The following CSHL1 variants were observed in gnomAD, a reference collection of about 807,000 sequenced individuals.
CSHL1 encodes chorionic somatomammotropin hormone-like 1.
Under a neutral mutation model 24.3 loss-of-function variants are expected in CSHL1, and 25 were observed. The observed-to-expected ratio is 1.03, with a 90% CI of 0.75 to 1.44. The LOEUF (loss-of-function observed/expected upper bound fraction) is 1.44, where lower values mean the gene tolerates loss of function less well. CSHL1 is among the 40% of genes most tolerant of loss of function. The pLI is 0.00. For synonymous variants in CSHL1, 157 were observed against 115.6 expected, an observed-to-expected ratio of 1.36 and a Z score of -2.30; for missense variants, 342 against 279.3, an observed-to-expected ratio of 1.22 and a Z score of -1.60.
At chr17:63,911,030 C>T (rs1906970339) in intron 1 of CSHL1, 106 bp from the exon 2 acceptor site, 18 of 1,610,592 alleles carry the variant, frequency 1.1e-5, no homozygotes, top group Middle Eastern at 2.1e-4. Context: ...CCTCCAGGGA[C>T]CAGGAACATT....
At chr17:63,911,028 G>A (rs1337416489) in intron 1 of CSHL1, 104 bp from the exon 2 acceptor site, 3 of 1,610,290 alleles carry the variant, frequency 1.9e-6, no homozygotes, top group African/African-American at 1.3e-5. Flanking sequence ...TCCCTCCAGG[G>A]ACCAGGAACA....
chr17:63,909,627 A>C lies in CSHL1; in HGVS notation c.*84T>G, dbSNP rs969393133. On this transcript the variant is annotated 3_prime_UTR_variant, in exon 5 of 5. Transcript: ENST00000309894. ...TGAAACAATACAACTTAATTTTATT[A>C]AGACAAGGCTGGTGGGCACTGGAGT... 5.0e-6 allele frequency: 8 copies of C among 1,600,346 alleles called. No homozygotes were observed. The South Asian group carries it at 6.6e-5, about 13-fold the overall frequency.
intron 2 of CSHL1, 86 bp from the exon 3 acceptor site, chr17:63,910,621 T>C (rs751881813): frequency 6.2e-6 from 10 of 1,614,156 alleles, no homozygotes; most frequent in Non-Finnish European, 8.5e-6. Flanking sequence ...TCTGGGAACC[T>C]GGCTCAGCCT....
At position 63,910,692 on chromosome 17, in the gene CSHL1, A is replaced by G. The variant is rs543623957; in HGVS notation, c.190+53T>C. ...ACCCTGAGCTCCTTAGTCTCCTCCC[A>G]TTACTTCCCCAGTGGGGGAAAGTCA... On this transcript the variant is annotated intron_variant, in intron 2 of 4. Transcript: ENST00000309894. 78 of 1,614,042 alleles carry G rather than the reference A, an allele frequency of 4.8e-5. 1 individual carries two copies. The Admixed American group carries it at 8.3e-4, about 17-fold the overall frequency.
At position 63,910,232 on chromosome 17, in the gene CSHL1, T is replaced by C; in HGVS notation, c.401A>G (p.Tyr134Cys). 6.2e-7 allele frequency: 1 copy of C among 1,613,964 alleles called. No homozygotes were observed. Among genetic ancestry groups the C allele is most frequent in the South Asian group, 1.1e-5 (1 of 91,078 alleles). ...LRSTFTNNLV[Y>C]DTSDSDDYHL... is the part of the protein sequence containing the mutation. ...ATAGTCATCGCTGTCCGAGGTGTCATACACCAGGTTGTTGGTGAAGGTACT... is the reference window on the plus strand; with the variant it reads ...ATAGTCATCGCTGTCCGAGGTGTCACACACCAGGTTGTTGGTGAAGGTACT... Residue 134 changes from tyrosine (Y) to cysteine (C), a missense_variant, in exon 4 of 5, where the codon TAT becomes TGT. By Grantham distance (194) the Tyr-to-Cys change is radical. Transcript: ENST00000309894.
chr17:63,910,915 G>A lies in CSHL1; in HGVS notation c.20C>T (p.Thr7Met), dbSNP rs1335138733. The change falls in exon 2 of 5, where the codon ACG (threonine) becomes ATG (methionine). Residue 7 changes from threonine (T) to methionine (M), a missense_variant. Thr to Met is a moderately conservative substitution (Grantham distance 81). Coordinates refer to ENST00000309894, the MANE Select transcript of CSHL1 (RefSeq NM_022579.3). MAAGSR[T>M]SLLLAFALLC... ...CAGGGCAAAAGCCAGGAGCAGGGAC[G>A]TCCGGGAGCCTGGGGAGAAACCGGA... The A allele has an allele frequency of 6.2e-7, 1 of 1,613,934 alleles. No individual in the cohort carries two copies. The highest frequency in any genetic ancestry group is 1.7e-5 in the Admixed American group (1 of 60,032).
chr17:63,910,716 C>A, intron 2 of CSHL1, 29 bp downstream of exon 2: 1 of 1,614,238 alleles, frequency 6.2e-7, no homozygotes, highest in Non-Finnish European at 8.5e-7. Context: ...GGGGGAAAGT[C>A]ACCCCTTCTT....
In CSHL1 at chr17:63,910,831, A is replaced by T; in HGVS notation, c.104T>A (p.Leu35His). Residue 35 changes from leucine to histidine, a missense_variant, in exon 2 of 5, where the codon CTT (leucine) becomes CAT (histidine). Coordinates refer to ENST00000309894, the MANE Select transcript of CSHL1 (RefSeq NM_022579.3). ...GAVQTVPLSRLFKEAMLQAHR... is the reference protein window; with the variant it reads ...GAVQTVPLSRHFKEAMLQAHR... ...GGCTTGGAGCATAGCCTCTTTAAAA[A>T]GCCTGGATAAGGGAACGGTTTGGAC... 6.2e-7 allele frequency: 1 copy of T among 1,614,188 alleles called. No individual in the cohort carries two copies. The highest frequency in any genetic ancestry group is 8.5e-7 in the Non-Finnish European group (1 of 1,180,038).
chr17:63,910,606 A>G (rs763751847), intron 2 of CSHL1, 71 bp from the exon 3 acceptor site: 9 of 1,613,240 alleles, frequency 5.6e-6, no homozygotes, highest in African/African-American at 2.7e-5. Context: ...TCCCACTGTT[A>G]CTCTTCTGGG....
At position 63,910,823 on chromosome 17, in the gene CSHL1, C is replaced by G. The variant is rs551451374; in HGVS notation, c.112G>C (p.Glu38Gln). Reference protein sequence around the residue: ...QTVPLSRLFKEAMLQAHRAHQ... With the variant: ...QTVPLSRLFKQAMLQAHRAHQ... Reference sequence around the variant, plus strand: ...GCGCGATGGGCTTGGAGCATAGCCTCTTTAAAAAGCCTGGATAAGGGAACG... The same window carrying G: ...GCGCGATGGGCTTGGAGCATAGCCTGTTTAAAAAGCCTGGATAAGGGAACG... The change falls in exon 2 of 5, where the codon GAG (glutamate) becomes CAG (glutamine). Residue 38 changes from glutamate to glutamine, a missense_variant. Transcript: ENST00000309894. The G allele has an allele frequency of 4.2e-5, 68 of 1,614,010 alleles. No homozygotes were observed. The highest frequency in any genetic ancestry group is 1.3e-4 in the African/African-American group (10 of 75,034).
rs751404449 is a variant in CSHL1, at chr17:63,910,918, C to T, written c.17G>A (p.Arg6Gln). Residue 6 changes from arginine to glutamine, a missense_variant, in exon 2 of 5, where the codon CGG (arginine) becomes CAG (glutamine). Coordinates refer to ENST00000309894, the MANE Select transcript of CSHL1 (RefSeq NM_022579.3). ...GGCAAAAGCCAGGAGCAGGGACGTC[C>T]GGGAGCCTGGGGAGAAACCGGAGGG... Reference protein sequence around the residue: MAAGSRTSLLLAFALL... With the variant: MAAGSQTSLLLAFALL... 8.1e-6 allele frequency: 13 copies of T among 1,613,736 alleles called. No individual in the cohort carries two copies. In the Admixed American group the frequency reaches 8.3e-5, roughly 10 times the overall value.
At position 63,910,289 on chromosome 17, in the gene CSHL1, T is replaced by C; in HGVS notation, c.344A>G (p.Glu115Gly). 1 of 1,614,096 alleles carries C rather than the reference T, an allele frequency of 6.2e-7. No individual in the cohort carries two copies. Among genetic ancestry groups the C allele is most frequent in the East Asian group, 2.2e-5 (1 of 44,882 alleles). Reference sequence around the variant, plus strand: ...GAACCGCACGGGCTCCAGCCGCGACTCGATGAGCAGCAGGGAGATGTGGAG... The same window carrying C: ...GAACCGCACGGGCTCCAGCCGCGACCCGATGAGCAGCAGGGAGATGTGGAG... ...ELLHISLLLI[E>G]SRLEPVRFLR... is the part of the protein sequence containing the mutation. The change falls in exon 4 of 5, where the codon GAG (glutamate) becomes GGG (glycine). Residue 115 changes from glutamate (E) to glycine (G), a missense_variant. Physicochemically the swap from Glu to Gly is moderately conservative, Grantham distance 98. Coordinates refer to ENST00000309894, the MANE Select transcript of CSHL1 (RefSeq NM_022579.3).
At chr17:63,910,630 C>G (rs755181163) in intron 2 of CSHL1, 95 bp from the exon 3 acceptor site, 5 of 1,614,130 alleles carry the variant, frequency 3.1e-6, no homozygotes, top group Non-Finnish European at 4.2e-6. Context: ...CTGGCTCAGC[C>G]TATGCTCATC....
chr17:63,911,139 T>C (rs1906987840), intron 1 of CSHL1, 48 bp downstream of exon 1: 1 of 1,612,842 alleles, frequency 6.2e-7, no homozygotes, highest in Admixed American at 1.7e-5. Flanking sequence ...GGGCGCCGCC[T>C]CTCCCCTCAG....
rs749115339 is a variant in CSHL1 at position 63,910,057 on chromosome 17, T to C, written c.471+105A>G. 8 of 1,614,012 alleles carry C rather than the reference T, an allele frequency of 5.0e-6. No individual in the cohort carries two copies. The South Asian group carries it at 7.7e-5, about 16-fold the overall frequency. On this transcript the variant is annotated intron_variant, in intron 4 of 4. Coordinates refer to ENST00000309894, the MANE Select transcript of CSHL1 (RefSeq NM_022579.3). Reference sequence around the variant, plus strand: ...GAAATGAAGAATAAGGTGAGTTCTCTTGGGTCAGCGCCTGACTGCTGAAAA... The same window carrying C: ...GAAATGAAGAATAAGGTGAGTTCTCCTGGGTCAGCGCCTGACTGCTGAAAA...
chr17:63,910,488 G>T lies in CSHL1; in HGVS notation c.238C>A (p.Gln80Lys). The T allele has an allele frequency of 6.2e-7, 1 of 1,614,170 alleles. No individual in the cohort carries two copies. The highest frequency in any genetic ancestry group is 8.5e-7 in the Non-Finnish European group (1 of 1,180,028). The change falls in exon 3 of 5, where the codon CAG (glutamine) becomes AAG (lysine). Residue 80 changes from glutamine (Q) to lysine (K), a missense_variant. Transcript: ENST00000309894. ...GAGTCTGAGAAGCAGAAGGAGGTCT[G>T]GGAGTCATGCAGGAATGAATACTTC... ...EQKYSFLHDSQTSFCFSDSIP... is the reference protein window; with the variant it reads ...EQKYSFLHDSKTSFCFSDSIP...
Position 63,910,949 on chromosome 17 carries a change from A to G in CSHL1, c.11-25T>C, listed in dbSNP as rs780605753. The G allele has an allele frequency of 1.9e-6, 3 of 1,612,216 alleles. No individual in the cohort carries two copies. The South Asian group carries it at 3.3e-5, about 18-fold the overall frequency. ...CCTGGGGAGAAACCGGAGGGCAAGA[A>G]GGGAGCCGCAGAGCAAGAGGCCAGC... On this transcript the variant is annotated intron_variant, in intron 1 of 4. Transcript: ENST00000309894.
rs1481419996 is a variant in CSHL1, at chr17:63,910,503, A to G, written c.223T>C (p.Phe75Leu). 2 of 1,614,052 alleles carry G rather than the reference A, an allele frequency of 1.2e-6. No individual in the cohort carries two copies. The highest frequency in any genetic ancestry group is 1.7e-5 in the Admixed American group (1 of 60,006). ...AYITKEQKYSFLHDSQTSFCF... is the reference protein window; with the variant it reads ...AYITKEQKYSLLHDSQTSFCF... Reference sequence around the variant, plus strand: ...AAGGAGGTCTGGGAGTCATGCAGGAATGAATACTTCTGTTCCTTTGTGATA... The same window carrying G: ...AAGGAGGTCTGGGAGTCATGCAGGAGTGAATACTTCTGTTCCTTTGTGATA... Residue 75 changes from phenylalanine to leucine, a missense_variant, in exon 3 of 5, where the codon TTC becomes CTC. Coordinates refer to ENST00000309894, the MANE Select transcript of CSHL1 (RefSeq NM_022579.3).
intron 4 of CSHL1, 87 bp from the exon 5 acceptor site, chr17:63,909,995 T>A (rs1228171864): frequency 6.2e-7 from 1 of 1,613,892 alleles, no homozygotes; most frequent in East Asian, 2.2e-5. Context: ...TCCTTCCCCT[T>A]CAGGGTGTAG....
Sources: gnomAD v4.1 joint callset for allele counts on GRCh38, gnomAD v4.1.1 for gene constraint, MANE v1.5 for transcripts, NCBI Gene and HGNC (gene_info 2026-07-23, HGNC 2026-07-21) for gene names.